Variants in COPG2 observed in about 807,000 individuals in gnomAD.
The protein encoded by COPG2 is coatomer subunit gamma-2.
In COPG2, 37 loss-of-function variants were observed where a neutral mutation model predicts 46.3. The ratio of observed to expected loss-of-function variants is 0.80; its 90% CI spans 0.61 to 1.05. COPG2 has a LOEUF of 1.05. Ranked by LOEUF, COPG2 falls within the 50% of genes least tolerant of loss-of-function variation. The pLI, the probability that COPG2 is intolerant of heterozygous loss-of-function variation, is 0.00. For synonymous variants in COPG2, 159 were observed against 129.7 expected (o/e 1.23, Z -1.53); for missense variants, 427 against 387.8 (o/e 1.10, Z -0.85).
At chr7:130,593,898 C>T (rs1409675119) in intron 9 of COPG2, among the ~76,000 whole-genome samples, 1 of 151,928 alleles carries the variant, frequency 6.6e-6, no homozygotes, top group Non-Finnish European at 1.5e-5. Context: ...ATGCAAGACA[C>T]CAAACACATT....
chr7:130,530,085 C>T (rs982605881), intron 20 of COPG2, among the ~76,000 whole-genome samples: 23 of 151,910 alleles, frequency 1.5e-4, no homozygotes, highest in Admixed American at 1.2e-3. Flanking sequence ...GTTTGGAAGA[C>T]GCAAGGTAGA....
intron 20 of COPG2, among the ~76,000 whole-genome samples, chr7:130,541,530 G>A (rs1280811036): frequency 6.6e-6 from 1 of 152,096 alleles, no homozygotes; most frequent in Non-Finnish European, 1.5e-5. Flanking sequence ...GGGAGATGAG[G>A]ACGGGCAGAG....
intron 5 of COPG2, among the ~76,000 whole-genome samples, chr7:130,619,585 A>G (rs1795003634): frequency 6.6e-6 from 1 of 152,174 alleles, no homozygotes; most frequent in African/African-American, 2.4e-5. Flanking sequence ...CTTTAATCAT[A>G]ATTTCTACAG....
At chr7:130,649,132 A>T (rs558703048) in intron 5 of COPG2, among the ~76,000 whole-genome samples, 1 of 152,318 alleles carries the variant, frequency 6.6e-6, no homozygotes, top group African/African-American at 2.4e-5. Context: ...CTTAGATGCT[A>T]AGGGAATCTA....
At chr7:130,582,805 C>T (rs1268688631) in intron 9 of COPG2, among the ~76,000 whole-genome samples, 6 of 150,556 alleles carry the variant, frequency 4.0e-5, no homozygotes, top group East Asian at 1.9e-4. Context: ...GAGATACCAT[C>T]TCACAACAGT....
rs527334880 is a variant in COPG2, at chr7:130,586,896, T to C, written c.738-22503A>G. On this transcript the variant is annotated intron_variant, in intron 9 of 23. Coordinates refer to ENST00000425248, the MANE Select transcript of COPG2 (RefSeq NM_012133.6). ...AACAAACTATGATTGATTAGAACCA[T>C]AGCTATTAGCCAACACTCAACAGTA... 6.6e-5 allele frequency among the ~76,000 whole-genome samples: 10 copies of C among 152,192 alleles called. No individual in the cohort carries two copies. The East Asian group carries it at 9.6e-4, about 15-fold the overall frequency.
chr7:130,556,284 A>T (rs1468316669), intron 12 of COPG2, among the ~76,000 whole-genome samples: 6 of 152,156 alleles, frequency 3.9e-5, no homozygotes, highest in Non-Finnish European at 8.8e-5. Context: ...TGGGGCTGCA[A>T]GGAAATCTTC....
At chr7:130,612,753 G>T (rs1188130694) in intron 7 of COPG2, among the ~76,000 whole-genome samples, 1 of 152,034 alleles carries the variant, frequency 6.6e-6, no homozygotes, top group Non-Finnish European at 1.5e-5. Flanking sequence ...AAAGAAAAAT[G>T]TATTACTAAA....
rs527324587 is a variant in COPG2 at position 130,624,857 on chromosome 7, T to C, written c.324-7792A>G. 2.6e-5 allele frequency among the ~76,000 whole-genome samples: 4 copies of C among 152,324 alleles called. No individual in the cohort carries two copies. The South Asian group carries it at 6.2e-4, about 24-fold the overall frequency. On this transcript the variant is annotated intron_variant, in intron 5 of 23. Transcript: ENST00000425248. ...GTTCCACGTCTTTGCAATTGTGAAC[T>C]GTGCTGTTATAAACATGCATGTGCA...
chr7:130,615,123 T>C (rs1394344040), intron 6 of COPG2, among the ~76,000 whole-genome samples: 1 of 152,240 alleles, frequency 6.6e-6, no homozygotes, highest in Non-Finnish European at 1.5e-5. Flanking sequence ...ATACGGTCCT[T>C]GGCTTTGCAG....
intron 20 of COPG2, chr7:130,509,028 CA>C (rs373840988): frequency 4.1e-3 from 1,371 of 335,174 alleles, no homozygotes; most frequent in Admixed American, 8.6e-3. Context: ...AGGACCTGAC[CA>C]AAAAAAAAAA....
At chr7:130,548,285 A>G (rs916258041) in intron 19 of COPG2, 118 bp downstream of exon 19, 13 of 396,874 alleles carry the variant, frequency 3.3e-5, no homozygotes, top group Admixed American at 8.8e-5. Context: ...CAAGAAAACC[A>G]GAAATTCTGC....
At chr7:130,550,405 C>CT (rs1345606649) in intron 17 of COPG2, 119 bp downstream of exon 17, 2 of 204,528 alleles carry the variant, frequency 9.8e-6, no homozygotes, top group East Asian at 5.6e-5. Flanking sequence ...GAGTGAGACT[C>CT]TATCTCAAAA....
In COPG2 at chr7:130,554,743, A is replaced by G. The variant is rs1383853071; in HGVS notation, c.1225-19T>C. The stretch of plus-strand genomic sequence containing the variant: ...AGCCTCCCTGGCAAAAAAGAAGATA[A>G]AACTGCCATTCATTCTAGGGACACA... On this transcript the variant is annotated intron_variant, in intron 13 of 23. Transcript: ENST00000425248. The G allele has an allele frequency of 2.5e-6, 1 of 398,500 alleles. No homozygotes were observed. Among genetic ancestry groups the G allele is most frequent in the African/African-American group, 2.1e-5 (1 of 48,640 alleles). 24.7% of individuals were successfully genotyped at this position (398,500 alleles called of 1,614,324 possible).
At chr7:130,532,730 G>T (rs918472180) in intron 20 of COPG2, among the ~76,000 whole-genome samples, 3 of 152,154 alleles carry the variant, frequency 2.0e-5, no homozygotes, top group Non-Finnish European at 2.9e-5. Flanking sequence ...TCAGGGTTGT[G>T]GTGTGCTGGA....
In COPG2 at chr7:130,668,704, C is replaced by T. The variant is rs782522378; in HGVS notation, c.-36G>A. 10 of 1,515,292 alleles carry T rather than the reference C, an allele frequency of 6.6e-6. No individual in the cohort carries two copies. The African/African-American group carries it at 1.3e-4, about 20-fold the overall frequency. The allele number at this position is 1,515,292 out of a possible 1,614,324, so 93.9% of individuals were successfully genotyped here. Reference sequence around the variant, plus strand: ...TTCCCAGCGCCCAGACCCACCGCAACCGTCCCAGGCGCCGCAGCCGGCGAG... The same window carrying T: ...TTCCCAGCGCCCAGACCCACCGCAATCGTCCCAGGCGCCGCAGCCGGCGAG... On this transcript the variant is annotated 5_prime_UTR_variant, in exon 1 of 24. Coordinates refer to ENST00000425248, the MANE Select transcript of COPG2 (RefSeq NM_012133.6).
intron 9 of COPG2, among the ~76,000 whole-genome samples, chr7:130,595,790 T>A (rs1409853996): frequency 1.4e-5 from 2 of 147,128 alleles, no homozygotes; most frequent in Non-Finnish European, 1.5e-5. Flanking sequence ...TGAGGTCCCA[T>A]CGGCATTTGG....
chr7:130,641,864 G>C (rs967988255), intron 5 of COPG2, among the ~76,000 whole-genome samples: 6 of 152,086 alleles, frequency 3.9e-5, no homozygotes, highest in Admixed American at 3.3e-4. Flanking sequence ...ACACATTATC[G>C]GCACAATTGA....
chr7:130,622,366 T>C (rs1468384630), intron 5 of COPG2, among the ~76,000 whole-genome samples: 1 of 152,166 alleles, frequency 6.6e-6, no homozygotes, highest in Non-Finnish European at 1.5e-5. Flanking sequence ...ACTCAGTGCA[T>C]ACCTGAAGTA....
Sources: allele counts gnomAD v4.1 joint callset (sites outside exome capture counted in the v4.1 genomes callset), GRCh38; gene constraint gnomAD v4.1.1; transcripts MANE v1.5; gene names NCBI Gene and HGNC (gene_info 2026-07-23, HGNC 2026-07-21).